The following FSHR variants were observed in gnomAD, a reference collection of about 807,000 sequenced individuals.
The protein encoded by FSHR is follicle-stimulating hormone receptor.
FSHR carries 46 observed loss-of-function variants against 52.1 expected under a neutral mutation model. That is an observed-to-expected ratio of 0.88 (90% CI 0.70 to 1.13). The LOEUF (loss-of-function observed/expected upper bound fraction) is 1.13. Ranked by LOEUF, FSHR falls within the 50% of genes most tolerant of loss-of-function variation. The pLI is 0.00. For synonymous variants in FSHR, 399 were observed against 309.6 expected, an observed-to-expected ratio of 1.29 and a Z score of -3.03; for missense variants, 964 against 834.6, an observed-to-expected ratio of 1.16 and a Z score of -1.91.
intron 4 of FSHR, among the ~76,000 whole-genome samples, chr2:48,992,791 T>G (rs1022756898): frequency 6.6e-6 from 1 of 152,160 alleles, no homozygotes; most frequent in Non-Finnish European, 1.5e-5. Flanking sequence ...CAGCAAAGCT[T>G]CTAGAAAGAG....
intron 2 of FSHR, among the ~76,000 whole-genome samples, chr2:49,032,985 T>A (rs1276384602): frequency 6.6e-6 from 1 of 152,258 alleles, no homozygotes; most frequent in Non-Finnish European, 1.5e-5. Flanking sequence ...TACTTAGATT[T>A]CAGAATTCAT....
intron 1 of FSHR, among the ~76,000 whole-genome samples, chr2:49,149,276 C>T (rs537428585): frequency 6.6e-6 from 1 of 151,978 alleles, no homozygotes; most frequent in African/African-American, 2.4e-5. Flanking sequence ...ACCTGGTTAC[C>T]TCATGGTTAC....
intron 4 of FSHR, among the ~76,000 whole-genome samples, chr2:48,995,638 G>A (rs1201175036): frequency 1.3e-5 from 2 of 152,084 alleles, no homozygotes; most frequent in Admixed American, 6.6e-5. Context: ...GGGCTGCAAG[G>A]GGAAGCAAGA....
chr2:48,989,099 T>C, intron 5 of FSHR, 45 bp from the exon 6 acceptor site: 1 of 1,499,312 alleles, frequency 6.7e-7, no homozygotes, highest in Non-Finnish European at 9.3e-7. Context: ...TCAGCTCTAC[T>C]CATGTAACCT....
chr2:49,024,676 C>G (rs140154087), intron 2 of FSHR, among the ~76,000 whole-genome samples: 232 of 152,264 alleles, frequency 1.5e-3, no homozygotes, highest in African/African-American at 5.0e-3. Flanking sequence ...CTGGGTCTTT[C>G]CCATCTTGTC....
At chr2:49,031,378 A>G (rs1204813049) in intron 2 of FSHR, among the ~76,000 whole-genome samples, 1 of 152,192 alleles carries the variant, frequency 6.6e-6, no homozygotes, top group Non-Finnish European at 1.5e-5. Context: ...TTGTTTTTCC[A>G]ATGACCCTGA....
intron 1 of FSHR, among the ~76,000 whole-genome samples, chr2:49,116,328 C>T (rs370457475): frequency 7.2e-5 from 11 of 152,112 alleles, no homozygotes; most frequent in South Asian, 2.1e-4. Flanking sequence ...GATGAGATAA[C>T]GGCTGACCTA....
intron 4 of FSHR, among the ~76,000 whole-genome samples, chr2:48,997,845 A>G (rs1208456894): frequency 6.6e-6 from 1 of 152,104 alleles, no homozygotes; most frequent in Non-Finnish European, 1.5e-5. Context: ...ATGACACTTC[A>G]GTAGGCTGGT....
intron 3 of FSHR, 92 bp from the exon 4 acceptor site, chr2:49,017,655 A>G (rs1558392464): frequency 1.1e-6 from 1 of 915,560 alleles, no homozygotes; most frequent in Non-Finnish European, 1.8e-6. Context: ...TAAATCATTC[A>G]TCCCATCCAC....
At chr2:49,096,043 T>C (rs974403187) in intron 1 of FSHR, among the ~76,000 whole-genome samples, 1 of 152,200 alleles carries the variant, frequency 6.6e-6, no homozygotes, top group Non-Finnish European at 1.5e-5. Flanking sequence ...GTAGCTGCAT[T>C]AGCAAACACT....
intron 2 of FSHR, among the ~76,000 whole-genome samples, chr2:49,034,726 A>G (rs759602780): frequency 1.3e-5 from 2 of 152,076 alleles, no homozygotes; most frequent in Non-Finnish European, 2.9e-5. Flanking sequence ...TCCCTGCCCC[A>G]TTCTGTATTC....
At chr2:49,102,044 A>G (rs1325782482) in intron 1 of FSHR, among the ~76,000 whole-genome samples, 1 of 152,134 alleles carries the variant, frequency 6.6e-6, no homozygotes, top group African/African-American at 2.4e-5. Context: ...TTTCAGCATG[A>G]GTTTTGGAGG....
At chr2:49,100,162 A>G (rs1670975308) in intron 1 of FSHR, among the ~76,000 whole-genome samples, 1 of 152,178 alleles carries the variant, frequency 6.6e-6, no homozygotes, top group Non-Finnish European at 1.5e-5. Context: ...AGGCCTAAGC[A>G]CAGAGCACTG....
Position 48,991,288 on chromosome 2 carries a change from C to T in FSHR, c.375-651G>A, listed in dbSNP as rs1033464034. On this transcript the variant is annotated intron_variant, in intron 4 of 9. Transcript: ENST00000406846. Reference sequence around the variant, plus strand: ...AGAAGCCTAGCTGTGGGTAATATAGCTGATAGCATGATTTCAGAGCATTCA... The same window carrying T: ...AGAAGCCTAGCTGTGGGTAATATAGTTGATAGCATGATTTCAGAGCATTCA... Among the ~76,000 whole-genome samples, 5 of 152,242 alleles carry T rather than the reference C, an allele frequency of 3.3e-5. No individual in the cohort carries two copies. In the South Asian group the frequency reaches 8.3e-4, roughly 25 times the overall value.
intron 4 of FSHR, among the ~76,000 whole-genome samples, chr2:49,003,039 G>T (rs1197875930): frequency 1.3e-5 from 2 of 152,112 alleles, no homozygotes; most frequent in Non-Finnish European, 2.9e-5. Context: ...TTCCAAATGG[G>T]TGAGGGAAAA....
At chr2:49,034,571 T>A (rs1668216572) in intron 2 of FSHR, among the ~76,000 whole-genome samples, 1 of 152,208 alleles carries the variant, frequency 6.6e-6, no homozygotes, top group African/African-American at 2.4e-5. Context: ...CTTATCTACT[T>A]CATATGATCA....
chr2:49,044,410 C>T (rs754338074), intron 2 of FSHR, among the ~76,000 whole-genome samples: 9 of 152,110 alleles, frequency 5.9e-5, no homozygotes, highest in South Asian at 2.1e-4. Flanking sequence ...ATGTGCAAAA[C>T]GGGAACATGG....
chr2:49,038,853 A>G (rs1054468765), intron 2 of FSHR, among the ~76,000 whole-genome samples: 1 of 152,070 alleles, frequency 6.6e-6, no homozygotes, highest in Non-Finnish European at 1.5e-5. Flanking sequence ...TTATAAAGTA[A>G]CTATAACATA....
chr2:49,148,032 A>T (rs1388514992), intron 1 of FSHR, among the ~76,000 whole-genome samples: 1 of 151,932 alleles, frequency 6.6e-6, no homozygotes, highest in Non-Finnish European at 1.5e-5. Context: ...AATATAGAAA[A>T]CTTAAAATTC....
Sources: gnomAD v4.1 joint callset for allele counts (sites outside exome capture counted in the v4.1 genomes callset) on GRCh38, gnomAD v4.1.1 for gene constraint, MANE v1.5 for transcripts, NCBI Gene and HGNC (gene_info 2026-07-23, HGNC 2026-07-21) for gene names.